KLHL32: variants seen among roughly 807,000 people sequenced by gnomAD.
The protein encoded by KLHL32 is kelch-like protein 32.
KLHL32 carries 35 observed loss-of-function variants against 64.8 expected under a neutral mutation model. The observed-to-expected ratio is 0.54, with a 90% CI of 0.41 to 0.72. The LOEUF (loss-of-function observed/expected upper bound fraction) is 0.72, where lower values mean the gene tolerates loss of function less well. KLHL32 is among the 30% of genes least tolerant of loss of function. The pLI is 0.00. For missense variants in KLHL32, 589 were observed against 768.5 expected, an observed-to-expected ratio of 0.77 and a Z score of 2.76; for synonymous variants, 259 against 281.0, an observed-to-expected ratio of 0.92 and a Z score of 0.78.
chr6:97,055,534 A>G (rs1787655799), intron 4 of KLHL32, among the ~76,000 whole-genome samples: 1 of 152,102 alleles, frequency 6.6e-6, no homozygotes, highest in Non-Finnish European at 1.5e-5. Flanking sequence ...GTGGTGGCTC[A>G]TGCCTGTAAT....
chr6:96,999,632 T>A, intron 3 of KLHL32: 4 of 453,640 alleles, frequency 8.8e-6, no homozygotes, highest in Non-Finnish European at 1.2e-5. Flanking sequence ...GAAGCTATAA[T>A]TTGCCTCTGA....
At chr6:97,113,637 C>T (rs1405984572) in intron 6 of KLHL32, 146 bp from the exon 7 acceptor site, 3 of 1,109,836 alleles carry the variant, frequency 2.7e-6, no homozygotes, top group South Asian at 1.6e-5. Context: ...CTCACATGGG[C>T]TTCAAAATAT....
chr6:96,985,056 G>A (rs62413892), intron 3 of KLHL32, among the ~76,000 whole-genome samples: 9 of 151,894 alleles, frequency 5.9e-5, no homozygotes, highest in African/African-American at 2.2e-4. Flanking sequence ...AGCTCTTGTA[G>A]GGCAGGCCTG....
At chr6:96,963,046 A>T (rs71562315) in intron 1 of KLHL32, among the ~76,000 whole-genome samples, 1 of 151,956 alleles carries the variant, frequency 6.6e-6, no homozygotes, top group Non-Finnish European at 1.5e-5. Flanking sequence ...GAGGGGGAAA[A>T]ATCTTTTTTC....
intron 7 of KLHL32, among the ~76,000 whole-genome samples, chr6:97,126,312 A>G (rs1051757644): frequency 6.6e-6 from 1 of 151,306 alleles, no homozygotes; most frequent in Non-Finnish European, 1.5e-5. Context: ...TTTAATATCT[A>G]TTGGTGATAT....
Position 97,085,250 on chromosome 6 carries a change from C to T in KLHL32, c.536C>T (p.Pro179Leu). ...KHLSELLKSR[P>L]EEVLTLPYCL... is the part of the protein sequence containing the mutation. ...CTCTCTGAACTCCTGAAGAGCCGCC[C>T]AGAAGAAGTTCTAACGCTTCCCTAT... The change falls in exon 6 of 11, where the codon CCA becomes CTA. Residue 179 changes from proline to leucine, a missense_variant. By Grantham distance (98) the Pro-to-Leu change is moderately conservative (BLOSUM62 -3). Coordinates refer to ENST00000369261, the MANE Select transcript of KLHL32 (RefSeq NM_052904.4). 1 of 1,613,994 alleles carries T rather than the reference C, an allele frequency of 6.2e-7. No homozygotes were observed. Among genetic ancestry groups the T allele is most frequent in the Non-Finnish European group, 8.5e-7 (1 of 1,180,042 alleles).
At chr6:97,131,873 G>C (rs912061660) in intron 9 of KLHL32, among the ~76,000 whole-genome samples, 3 of 152,108 alleles carry the variant, frequency 2.0e-5, no homozygotes, top group African/African-American at 7.2e-5. Flanking sequence ...CGGTACCTTA[G>C]GCCCTCGATT....
At chr6:97,109,178 G>A (rs879492913) in intron 6 of KLHL32, among the ~76,000 whole-genome samples, 1 of 152,128 alleles carries the variant, frequency 6.6e-6, no homozygotes, top group Non-Finnish European at 1.5e-5. Context: ...TGTAATTTGT[G>A]TACATGTTAA....
intron 6 of KLHL32, among the ~76,000 whole-genome samples, chr6:97,112,269 G>T (rs1167091009): frequency 6.6e-6 from 1 of 152,004 alleles, no homozygotes. Context: ...CACATTGTCT[G>T]GGAGATCTAC....
intron 3 of KLHL32, among the ~76,000 whole-genome samples, chr6:97,031,942 T>G (rs189060741): frequency 7.0e-6 from 1 of 142,486 alleles, no homozygotes; most frequent in Admixed American, 6.8e-5. Flanking sequence ...TAGCGACAGT[T>G]TCTATATAAC....
chr6:96,909,898 A>G, the KLHL32 span, among the ~76,000 whole-genome samples: 2 of 152,194 alleles, frequency 1.3e-5, no homozygotes, highest in African/African-American at 4.8e-5. Context: ...AAGAAGACAG[A>G]TGGTAGTTTT....
At chr6:96,935,692 G>A (rs1041591076) in intron 1 of KLHL32, among the ~76,000 whole-genome samples, 3 of 152,174 alleles carry the variant, frequency 2.0e-5, no homozygotes, top group African/African-American at 7.2e-5. Context: ...TCTAACTTGT[G>A]TATTAATGAT....
the KLHL32 span, among the ~76,000 whole-genome samples, chr6:96,916,077 G>A: frequency 1.3e-5 from 2 of 152,332 alleles, no homozygotes; most frequent in East Asian, 3.9e-4. Flanking sequence ...GATTCAGAGA[G>A]ACTCCAGAGG....
At chr6:96,978,850 G>C in intron 3 of KLHL32, among the ~76,000 whole-genome samples, 1 of 152,184 alleles carries the variant, frequency 6.6e-6, no homozygotes, top group East Asian at 1.9e-4. Context: ...ACTGGTGTGA[G>C]ATAGTATCTC....
intron 1 of KLHL32, among the ~76,000 whole-genome samples, chr6:96,952,378 G>C (rs1353250511): frequency 6.6e-6 from 1 of 152,120 alleles, no homozygotes; most frequent in East Asian, 1.9e-4. Context: ...TTGTTTTTAT[G>C]AATTAGCCTA....
chr6:97,086,709 T>C (rs1182263562), intron 6 of KLHL32, among the ~76,000 whole-genome samples: 5 of 152,224 alleles, frequency 3.3e-5, no homozygotes, highest in Non-Finnish European at 4.4e-5. Context: ...CTGGTAATGT[T>C]TGTTCAGGCA....
At chr6:96,973,730 C>CTCTTT (rs1554208428) in intron 2 of KLHL32, among the ~76,000 whole-genome samples, 3 of 118,252 alleles carry the variant, frequency 2.5e-5, no homozygotes, top group African/African-American at 9.8e-5. Flanking sequence ...TACAGATTGC[C>CTCTTT]TTTTTTTTTT....
At position 96,945,379 on chromosome 6, in the gene KLHL32, G is replaced by A. The variant is rs190515677; in HGVS notation, c.-66+20353G>A. 6.6e-4 allele frequency among the ~76,000 whole-genome samples: 101 copies of A among 152,322 alleles called. 2 individuals carry two copies. In the East Asian group the frequency reaches 7.9e-3, roughly 12 times the overall value. ...AATCCCAGCCTGTACCCTAAGACTG[G>A]GGCATGCCTGTGGGGCAGGCCCTTT... On this transcript the variant is annotated intron_variant, in intron 1 of 10. Transcript: ENST00000369261.
the KLHL32 span, among the ~76,000 whole-genome samples, chr6:96,917,337 C>T: frequency 6.6e-6 from 1 of 152,144 alleles, no homozygotes; most frequent in African/African-American, 2.4e-5. Context: ...CTCACTGTCA[C>T]AAAATGGTTC....
Sources: allele counts gnomAD v4.1 joint callset (sites outside exome capture counted in the v4.1 genomes callset), GRCh38; gene constraint gnomAD v4.1.1; transcripts MANE v1.5; gene names NCBI Gene and HGNC (gene_info 2026-07-23, HGNC 2026-07-21).